Variants in ALMS1 observed in about 807,000 individuals in gnomAD.
ALMS1 encodes centrosome-associated protein ALMS1.
ALMS1 carries 271 observed loss-of-function variants against 352.2 expected under a neutral mutation model. The observed-to-expected ratio is 0.77, with a 90% CI of 0.70 to 0.85. The LOEUF (loss-of-function observed/expected upper bound fraction) is 0.85. Among genes scored for constraint, ALMS1 ranks in the 40% least tolerant of loss-of-function variants. The pLI is 0.00. For synonymous variants in ALMS1, 1,865 were observed against 1,761.2 expected (o/e 1.06, Z -1.48); for missense variants, 5,445 against 4,870.7 (o/e 1.12, Z -3.51).
intron 1 of ALMS1, among the ~76,000 whole-genome samples, chr2:73,401,765 T>C (rs1670876486): frequency 6.6e-6 from 1 of 152,170 alleles, no homozygotes; most frequent in Non-Finnish European, 1.5e-5. Context: ...ATAGTACTTA[T>C]ATTTTACGTT....
upstream of ALMS1, chr2:73,385,803 G>T (rs1574423443): frequency 1.5e-6 from 1 of 665,408 alleles, no homozygotes. Context: ...CGCCAGTCAG[G>T]GCTCTCCCCT....
intron 6 of ALMS1, among the ~76,000 whole-genome samples, chr2:73,430,980 A>G (rs901189670): frequency 2.0e-5 from 3 of 152,126 alleles, no homozygotes; most frequent in Non-Finnish European, 4.4e-5. Flanking sequence ...GAGTGAGGTA[A>G]TTGAAAACTA....
chr2:73,414,717 G>A (rs541925408), intron 2 of ALMS1, among the ~76,000 whole-genome samples: 1 of 150,926 alleles, frequency 6.6e-6, no homozygotes, highest in Non-Finnish European at 1.5e-5. Flanking sequence ...GGTTCTTCTG[G>A]TTTTTTTTCT....
At chr2:73,520,617 G>A (rs1471166516) in intron 11 of ALMS1, among the ~76,000 whole-genome samples, 1 of 152,170 alleles carries the variant, frequency 6.6e-6, no homozygotes, top group Non-Finnish European at 1.5e-5. Context: ...TATAGGAGAT[G>A]TTTACAGGTC....
In ALMS1 at chr2:73,506,904, G is replaced by T. The variant is rs779634051; in HGVS notation, c.9540-12871G>T. On this transcript the variant is annotated intron_variant, in intron 10 of 22. Coordinates refer to ENST00000613296, the MANE Select transcript of ALMS1 (RefSeq NM_001378454.1). ...GCTTTTGCCCATTCAGTATGATATTGGCTGTGGGTTTGTCACAAATAGCTC... is the reference window on the plus strand; with the variant it reads ...GCTTTTGCCCATTCAGTATGATATTTGCTGTGGGTTTGTCACAAATAGCTC... Among the ~76,000 whole-genome samples, 3 of 152,178 alleles carry T rather than the reference G, an allele frequency of 2.0e-5. 1 individual carries two copies. Among genetic ancestry groups the T allele is most frequent in the Non-Finnish European group, 4.4e-5 (3 of 68,038 alleles).
At chr2:73,601,639 G>T (rs1013416364) in intron 19 of ALMS1, among the ~76,000 whole-genome samples, 1 of 152,230 alleles carries the variant, frequency 6.6e-6, no homozygotes, top group Non-Finnish European at 1.5e-5. Flanking sequence ...AACCATAGAT[G>T]GTGCATCACC....
chr2:73,418,158 T>C (rs1030151842), intron 2 of ALMS1, among the ~76,000 whole-genome samples: 5 of 152,208 alleles, frequency 3.3e-5, no homozygotes, highest in African/African-American at 1.2e-4. Flanking sequence ...TTAATTTTTG[T>C]TAGCATTTTA....
chr2:73,544,550 AAT>A (rs1313703623), intron 12 of ALMS1, among the ~76,000 whole-genome samples: 1 of 152,126 alleles, frequency 6.6e-6, no homozygotes, highest in Non-Finnish European at 1.5e-5. Flanking sequence ...AAGAATGGAA[AAT>A]TATCAGTGTT....
chr2:73,589,982 A>G (rs1386309205), intron 16 of ALMS1, among the ~76,000 whole-genome samples: 2 of 152,008 alleles, frequency 1.3e-5, no homozygotes, highest in African/African-American at 2.4e-5. Context: ...TTCTCTGCCA[A>G]TTATTTCTAA....
In ALMS1 at chr2:73,450,491, C is replaced by G. The variant is rs1470998022; in HGVS notation, c.3964C>G (p.Gln1322Glu). 6.2e-7 allele frequency: 1 copy of G among 1,613,252 alleles called. No individual in the cohort carries two copies. Among genetic ancestry groups the G allele is most frequent in the Non-Finnish European group, 8.5e-7 (1 of 1,179,802 alleles). ...TTCAGCGGTTCCTGGACCAGCTGAC[C>G]AGAAGACTGTGATACCAATTTTACC... ...NVSAVPGPAD[Q>E]KTVIPILPST... The change falls in exon 8 of 23, where the codon CAG becomes GAG. Residue 1322 changes from glutamine (Q) to glutamate (E), a missense_variant. Physicochemically the swap from Gln to Glu is conservative, Grantham distance 29. Coordinates refer to ENST00000613296, the MANE Select transcript of ALMS1 (RefSeq NM_001378454.1).
At chr2:73,546,387 A>G (rs1356211366) in intron 12 of ALMS1, among the ~76,000 whole-genome samples, 1 of 152,130 alleles carries the variant, frequency 6.6e-6, no homozygotes, top group Non-Finnish European at 1.5e-5. Flanking sequence ...GGAAGCTGTC[A>G]GCTCACGTTC....
intron 12 of ALMS1, among the ~76,000 whole-genome samples, chr2:73,536,287 G>C (rs937558321): frequency 2.0e-5 from 3 of 152,154 alleles, no homozygotes; most frequent in African/African-American, 7.2e-5. Context: ...CCAGTGTCCT[G>C]CTATCGATAT....
chr2:73,527,761 C>T (rs1673822825), intron 11 of ALMS1, among the ~76,000 whole-genome samples: 1 of 151,672 alleles, frequency 6.6e-6, no homozygotes, highest in Non-Finnish European at 1.5e-5. Flanking sequence ...TGTATTTTTG[C>T]TCTGATCTTT....
intron 7 of ALMS1, among the ~76,000 whole-genome samples, chr2:73,443,022 C>G (rs138011598): frequency 3.9e-4 from 59 of 152,278 alleles, no homozygotes; most frequent in African/African-American, 1.4e-3. Flanking sequence ...TCATCCCTGC[C>G]CAATCACTTA....
rs117609470 is a variant in ALMS1 at position 73,469,362 on chromosome 2, A to T, written c.7674+14067A>T. Among the ~76,000 whole-genome samples the T allele has an allele frequency of 3.6e-4, 54 of 152,080 alleles. No homozygotes were observed. In the East Asian group the frequency reaches 8.3e-3, roughly 23 times the overall value. ...GATTTGGACCTTGGAAAAATTCCAAATCAGCAGACAAGTTCTGACTAGCTA... is the reference window on the plus strand; with the variant it reads ...GATTTGGACCTTGGAAAAATTCCAATTCAGCAGACAAGTTCTGACTAGCTA... On this transcript the variant is annotated intron_variant, in intron 9 of 22. Transcript: ENST00000613296.
intron 21 of ALMS1, 61 bp from the exon 22 acceptor site, chr2:73,608,414 C>T: frequency 3.0e-6 from 4 of 1,336,724 alleles, no homozygotes; most frequent in Non-Finnish European, 3.2e-6. Context: ...GAGGAGATCT[C>T]ATGACTCTGC....
chr2:73,489,431 T>C lies in ALMS1; in HGVS notation c.7675-203T>C, dbSNP rs1047197949. Among the ~76,000 whole-genome samples the C allele has an allele frequency of 5.9e-5, 9 of 152,212 alleles. No homozygotes were observed. The South Asian group carries it at 8.3e-4, about 14-fold the overall frequency. ...TTTTTTAGAAGAACTCTCTGAGTGG[T>C]CTTAATCATTGTGAGCCATTTTATT... On this transcript the variant is annotated intron_variant, in intron 9 of 22. Coordinates refer to ENST00000613296, the MANE Select transcript of ALMS1 (RefSeq NM_001378454.1).
rs1671994631 is a variant in ALMS1, at chr2:73,453,500, G to A, written c.6973G>A (p.Glu2325Lys). 1 of 1,613,594 alleles carries A rather than the reference G, an allele frequency of 6.2e-7. No homozygotes were observed. The highest frequency in any genetic ancestry group is 1.3e-5 in the African/African-American group (1 of 74,900). The stretch of plus-strand genomic sequence containing the variant: ...GCTTCACAGACAGCCATTCACAGAG[G>A]AAAGCCCAAGCAGCAGGTGCATACA... ...DLLHRQPFTE[E>K]SPSSRCIQKD... The change falls in exon 8 of 23, where the codon GAA becomes AAA. Residue 2325 changes from glutamate to lysine, a missense_variant. Glu to Lys is a moderately conservative substitution (Grantham distance 56). Transcript: ENST00000613296.
chr2:73,496,275 C>T (rs769356470), intron 10 of ALMS1, among the ~76,000 whole-genome samples: 17 of 152,194 alleles, frequency 1.1e-4, no homozygotes, highest in Non-Finnish European at 1.5e-4. Context: ...CCCTGGCAGT[C>T]CCTGGTCTGT....
Sources: gnomAD v4.1 joint callset for allele counts (sites outside exome capture counted in the v4.1 genomes callset) on GRCh38, gnomAD v4.1.1 for gene constraint, MANE v1.5 for transcripts, NCBI Gene and HGNC (gene_info 2026-07-23, HGNC 2026-07-21) for gene names.